The following DCC variants were observed in gnomAD, a reference collection of about 807,000 sequenced individuals.
DCC encodes netrin receptor DCC.
A neutral mutation model predicts 172.5 loss-of-function variants in DCC; 58 were observed. The observed-to-expected ratio is 0.34, with a 90% CI of 0.27 to 0.42. DCC has a LOEUF of 0.42. Among genes scored for constraint, DCC ranks in the 10% least tolerant of loss-of-function variants. The pLI is 1.00. For synonymous variants in DCC, 709 were observed against 644.5 expected (o/e 1.10, Z -1.52); for missense variants, 1,740 against 1,791.0 (o/e 0.97, Z 0.51).
intron 15 of DCC, among the ~76,000 whole-genome samples, chr18:53,365,457 AAAAG>A (rs2057995538): frequency 1.3e-5 from 2 of 151,624 alleles, no homozygotes; most frequent in South Asian, 4.1e-4. Context: ...AAAAAAAAAA[AAAAG>A]AAAAAAGCAG....
intron 5 of DCC, among the ~76,000 whole-genome samples, chr18:52,932,989 T>G: frequency 6.6e-6 from 1 of 152,124 alleles, no homozygotes; most frequent in East Asian, 1.9e-4. Context: ...AAAAGTGATT[T>G]AAGAAGAGGC....
intron 9 of DCC, among the ~76,000 whole-genome samples, chr18:53,200,022 T>A (rs1389407341): frequency 6.6e-6 from 1 of 152,190 alleles, no homozygotes; most frequent in Non-Finnish European, 1.5e-5. Context: ...ACAAATCGAA[T>A]GTTCTCATTT....
At chr18:52,724,009 A>G (rs868242760) in intron 1 of DCC, among the ~76,000 whole-genome samples, 4 of 152,208 alleles carry the variant, frequency 2.6e-5, no homozygotes, top group African/African-American at 9.6e-5. Context: ...AAAGGTACAG[A>G]TGAGTATCCT....
intron 1 of DCC, among the ~76,000 whole-genome samples, chr18:52,587,218 T>C (rs1359566060): frequency 6.6e-6 from 1 of 152,172 alleles, no homozygotes; most frequent in Non-Finnish European, 1.5e-5. Context: ...GCTGGCAAAC[T>C]GGGCACTCAG....
intron 12 of DCC, among the ~76,000 whole-genome samples, chr18:53,300,635 T>C (rs1452763349): frequency 6.6e-6 from 1 of 152,122 alleles, no homozygotes; most frequent in African/African-American, 2.4e-5. Context: ...GACAAAAATA[T>C]TGTAACCAGA....
At chr18:53,510,800 C>T (rs1200819806) in intron 27 of DCC, among the ~76,000 whole-genome samples, 2 of 152,148 alleles carry the variant, frequency 1.3e-5, no homozygotes, top group African/African-American at 4.8e-5. Context: ...CCTATTCCTT[C>T]TTCTACCTCT....
intron 1 of DCC, among the ~76,000 whole-genome samples, chr18:52,402,247 C>T (rs1986468072): frequency 6.6e-6 from 1 of 151,970 alleles, no homozygotes; most frequent in African/African-American, 2.4e-5. Flanking sequence ...TGTGATAACT[C>T]ACTCTCTGAT....
intron 1 of DCC, among the ~76,000 whole-genome samples, chr18:52,434,585 C>T (rs536356721): frequency 1.3e-5 from 2 of 151,928 alleles, no homozygotes; most frequent in South Asian, 4.2e-4. Flanking sequence ...TTCTCCATTT[C>T]ACTTTTGCTT....
At position 52,974,074 on chromosome 18, in the gene DCC, G is replaced by GA. The variant is rs758896249; in HGVS notation, c.985+48711dup. 2.0e-3 allele frequency among the ~76,000 whole-genome samples: 304 copies of GA among 151,842 alleles called. 8 individuals are homozygous for GA. The highest frequency in any genetic ancestry group is 4.3e-3 in the East Asian group (22 of 5,172). Reference sequence around the variant, plus strand: ...TTTATGCCAATGCTTATTTTTAATTGAAAAAAATACAGTGAAGAATATATT... The same window carrying GA: ...TTTATGCCAATGCTTATTTTTAATTGAAAAAAAATACAGTGAAGAATATATT... On this transcript the variant is annotated intron_variant, in intron 5 of 28. Transcript: ENST00000442544.
rs1171109968 is a variant in DCC at position 52,610,151 on chromosome 18, TAAAAAAAAAAAAAAAAAAA to T, written c.92-141893_92-141875del. On this transcript the variant is annotated intron_variant, in intron 1 of 28. Transcript: ENST00000442544. ...CAACATGGCAAAACCCCATCTCTCA[TAAAAAAAAAAAAAAAAAAA>T]AAAAAAAAATATATATATATATATA... 1.2e-3 allele frequency among the ~76,000 whole-genome samples: 23 copies of T among 19,066 alleles called. 2 individuals carry two copies. Among genetic ancestry groups the T allele is most frequent in the African/African-American group, 5.0e-3 (22 of 4,364 alleles). 12.5% of individuals were successfully genotyped at this position (19,066 alleles called of 152,430 possible). A position where few individuals can be genotyped will look rare whatever the true frequency, so the allele number is the denominator to read the frequency against.
intron 1 of DCC, among the ~76,000 whole-genome samples, chr18:52,395,851 C>T (rs534235417): frequency 3.3e-5 from 5 of 152,056 alleles, no homozygotes; most frequent in Non-Finnish European, 7.4e-5. Flanking sequence ...CCATTTAATG[C>T]AACCTATTCT....
intron 21 of DCC, among the ~76,000 whole-genome samples, chr18:53,431,005 G>A (rs1422247171): frequency 2.0e-5 from 3 of 152,020 alleles, no homozygotes; most frequent in African/African-American, 7.2e-5. Flanking sequence ...CCCCTTAAAC[G>A]ACTTTATGAC....
rs112668036 is a variant in DCC, at chr18:52,753,639, T to C, written c.412+1265T>C. Among the ~76,000 whole-genome samples the C allele has an allele frequency of 7.3e-3, 1,105 of 152,312 alleles. 9 individuals are homozygous for C. Among genetic ancestry groups the C allele is most frequent in the Non-Finnish European group, 0.012 (792 of 68,026 alleles). On this transcript the variant is annotated intron_variant, in intron 2 of 28. Coordinates refer to ENST00000442544, the MANE Select transcript of DCC (RefSeq NM_005215.4). ...TTCCTTCTAGTGCTTCCAAATTTCTTAACGCTTGGTAACATGTTGGCTCAA... is the reference window on the plus strand; with the variant it reads ...TTCCTTCTAGTGCTTCCAAATTTCTCAACGCTTGGTAACATGTTGGCTCAA...
intron 1 of DCC, among the ~76,000 whole-genome samples, chr18:52,589,516 G>A (rs6508145): frequency 0.24 from 35,792 of 152,084 alleles, 4,588 homozygotes; most frequent in East Asian, 0.48. Context: ...TGTATGCATA[G>A]TCCTCATTTA....
At chr18:53,024,830 C>G (rs768112835) in intron 5 of DCC, among the ~76,000 whole-genome samples, 1 of 152,026 alleles carries the variant, frequency 6.6e-6, no homozygotes, top group African/African-American at 2.4e-5. Context: ...TAAATTATGT[C>G]TTTTATAGTT....
intron 1 of DCC, among the ~76,000 whole-genome samples, chr18:52,520,264 GAAT>G (rs2031770650): frequency 6.6e-6 from 1 of 152,180 alleles, no homozygotes; most frequent in African/African-American, 2.4e-5. Flanking sequence ...CATTTCCTAT[GAAT>G]GGTCAAGACA....
chr18:53,295,192 T>TG (rs1295058019), intron 12 of DCC, among the ~76,000 whole-genome samples: 2 of 152,270 alleles, frequency 1.3e-5, no homozygotes, highest in Non-Finnish European at 1.5e-5. Context: ...GTTGTCTACA[T>TG]GAAATTACGG....
At chr18:52,494,688 C>T (rs1306985297) in intron 1 of DCC, among the ~76,000 whole-genome samples, 3 of 151,874 alleles carry the variant, frequency 2.0e-5, no homozygotes, top group Non-Finnish European at 4.4e-5. Context: ...AATTCCAGTT[C>T]TATGATGAAA....
chr18:52,774,340 T>G (rs1470569906), intron 2 of DCC, among the ~76,000 whole-genome samples: 1 of 152,128 alleles, frequency 6.6e-6, no homozygotes, highest in Non-Finnish European at 1.5e-5. Context: ...GCCGGCTGAA[T>G]GTTGAAGACG....
Sources: gnomAD v4.1 joint callset for allele counts (sites outside exome capture counted in the v4.1 genomes callset) on GRCh38, gnomAD v4.1.1 for gene constraint, MANE v1.5 for transcripts, NCBI Gene and HGNC (gene_info 2026-07-23, HGNC 2026-07-21) for gene names.